The following GPC5 variants were observed in gnomAD, a reference collection of about 807,000 sequenced individuals.
GPC5 encodes the protein glypican 5.
GPC5 carries 47 observed loss-of-function variants against 53.9 expected under a neutral mutation model. The ratio of observed to expected loss-of-function variants is 0.87; its 90% CI spans 0.69 to 1.11. The LOEUF (loss-of-function observed/expected upper bound fraction) is 1.11. Among genes scored for constraint, GPC5 ranks in the 50% most tolerant of loss-of-function variants. The pLI is 0.00. For synonymous variants in GPC5, 286 were observed against 263.3 expected, an observed-to-expected ratio of 1.09 and a Z score of -0.84; for missense variants, 748 against 713.1, an observed-to-expected ratio of 1.05 and a Z score of -0.56.
At chr13:92,163,759 A>G (rs7988817) in intron 7 of GPC5, among the ~76,000 whole-genome samples, 5,835 of 152,208 alleles carry the variant, frequency 0.038, 246 homozygotes, top group African/African-American at 0.098. Flanking sequence ...AAGTTTGTTG[A>G]TCATAAAATG....
At chr13:91,951,812 G>T (rs185271503) in intron 6 of GPC5, among the ~76,000 whole-genome samples, 1 of 152,262 alleles carries the variant, frequency 6.6e-6, no homozygotes, top group Admixed American at 6.5e-5. Flanking sequence ...TCTAAAAAAT[G>T]TATGTTGCTC....
At chr13:92,399,791 C>A (rs530309819) in intron 7 of GPC5, among the ~76,000 whole-genome samples, 1 of 152,290 alleles carries the variant, frequency 6.6e-6, no homozygotes, top group Non-Finnish European at 1.5e-5. Context: ...TGTTTCCTCA[C>A]TTACTGTTAT....
chr13:91,482,251 G>C (rs1883344516), intron 2 of GPC5, among the ~76,000 whole-genome samples: 2 of 152,142 alleles, frequency 1.3e-5, no homozygotes, highest in South Asian at 4.1e-4. Flanking sequence ...TCACTCGTCT[G>C]TTTATGCGAG....
intron 2 of GPC5, among the ~76,000 whole-genome samples, chr13:91,524,888 T>G (rs1886012379): frequency 6.6e-6 from 1 of 152,210 alleles, no homozygotes; most frequent in African/African-American, 2.4e-5. Flanking sequence ...ACAATTGAAA[T>G]TACATGCAAG....
rs117226258 is a variant in GPC5, at chr13:92,425,664, T to C, written c.1561+280675T>C. ...TCTTTGGGCTTCCTTCTTTTGGTTATACCCATAATCCTAAGCAATATGCCT... is the reference window on the plus strand; with the variant it reads ...TCTTTGGGCTTCCTTCTTTTGGTTACACCCATAATCCTAAGCAATATGCCT... On this transcript the variant is annotated intron_variant, in intron 7 of 7. Coordinates refer to ENST00000377067, the MANE Select transcript of GPC5 (RefSeq NM_004466.6). 7.2e-3 allele frequency among the ~76,000 whole-genome samples: 1,100 copies of C among 152,238 alleles called. 2 individuals carry two copies. The highest frequency in any genetic ancestry group is 0.011 in the Non-Finnish European group (769 of 67,966).
intron 6 of GPC5, among the ~76,000 whole-genome samples, chr13:91,926,884 A>T (rs915963727): frequency 6.6e-6 from 1 of 152,232 alleles, no homozygotes; most frequent in South Asian, 2.1e-4. Flanking sequence ...CTTTCTCCAC[A>T]TTCATAAAAT....
chr13:92,199,649 A>G (rs1418418710), intron 7 of GPC5, among the ~76,000 whole-genome samples: 2 of 152,024 alleles, frequency 1.3e-5, no homozygotes, highest in Admixed American at 6.6e-5. Context: ...CAAATATTAA[A>G]GGCCCAATAT....
intron 7 of GPC5, among the ~76,000 whole-genome samples, chr13:92,421,346 CTG>C (rs1876550345): frequency 6.6e-6 from 1 of 152,146 alleles, no homozygotes; most frequent in Non-Finnish European, 1.5e-5. Flanking sequence ...AAGGGAGACA[CTG>C]TGTTAATCTA....
intron 7 of GPC5, among the ~76,000 whole-genome samples, chr13:92,731,939 G>T (rs1888817103): frequency 6.6e-6 from 1 of 151,452 alleles, no homozygotes; most frequent in Non-Finnish European, 1.5e-5. Flanking sequence ...GATGAAAGAG[G>T]TGCGGGGTGA....
chr13:92,827,209 C>T (rs958185643), intron 7 of GPC5, among the ~76,000 whole-genome samples: 8 of 152,062 alleles, frequency 5.3e-5, no homozygotes. Context: ...AAGAGAAGGA[C>T]AGATAACGTT....
At position 92,641,699 on chromosome 13, in the gene GPC5, ATTGTAGTTT is replaced by A. The variant is rs886496662; in HGVS notation, c.1562-224574_1562-224566del. 3.7e-4 allele frequency among the ~76,000 whole-genome samples: 57 copies of A among 152,220 alleles called. No homozygotes were observed. The South Asian group carries it at 3.9e-3, about 11-fold the overall frequency. ...TTTCTGTTCCTACAGTAGCTTTTAT[ATTGTAGTTT>A]TTGTAGTTATGTTTTTTATTCTGTT... is the stretch of plus-strand genomic sequence containing the variant. On this transcript the variant is annotated intron_variant, in intron 7 of 7. Transcript: ENST00000377067.
intron 7 of GPC5, among the ~76,000 whole-genome samples, chr13:92,476,942 C>A (rs1466774764): frequency 6.8e-6 from 1 of 147,180 alleles, no homozygotes; most frequent in Non-Finnish European, 1.5e-5. Context: ...ATACCTAATG[C>A]TAGATGACGA....
chr13:91,535,878 G>T (rs973805060), intron 2 of GPC5, among the ~76,000 whole-genome samples: 3 of 152,032 alleles, frequency 2.0e-5, no homozygotes, highest in Non-Finnish European at 4.4e-5. Flanking sequence ...AACTGGTGAG[G>T]ACTAATATGT....
chr13:92,801,825 A>C (rs1379495771), intron 7 of GPC5, among the ~76,000 whole-genome samples: 1 of 151,882 alleles, frequency 6.6e-6, no homozygotes, highest in African/African-American at 2.4e-5. Flanking sequence ...TTGAATAAGG[A>C]TATAAAGGAA....
At chr13:91,604,031 C>A (rs955152997) in intron 2 of GPC5, among the ~76,000 whole-genome samples, 2 of 149,546 alleles carry the variant, frequency 1.3e-5, no homozygotes, top group African/African-American at 5.0e-5. Flanking sequence ...ATACATGTGC[C>A]ATGCTGGTGC....
chr13:92,310,838 T>C (rs938735594), intron 7 of GPC5, among the ~76,000 whole-genome samples: 4 of 152,142 alleles, frequency 2.6e-5, no homozygotes, highest in African/African-American at 7.2e-5. Context: ...AGGGTAAAAA[T>C]ATTGAATGGC....
rs187342683 is a variant in GPC5, at chr13:91,681,410, A to G, written c.326-11777A>G. On this transcript the variant is annotated intron_variant, in intron 2 of 7. Transcript: ENST00000377067. ...TAGGAAGAGGTTGGCAGAAATCTCA[A>G]TACCATTTCAGTGACAACTTGACCC... Among the ~76,000 whole-genome samples the G allele has an allele frequency of 1.9e-3, 294 of 152,338 alleles. 1 individual carries two copies. Among genetic ancestry groups the G allele is most frequent in the African/African-American group, 6.7e-3 (280 of 41,576 alleles).
At chr13:91,526,779 C>CAT (rs1229165914) in intron 2 of GPC5, among the ~76,000 whole-genome samples, 3 of 152,298 alleles carry the variant, frequency 2.0e-5, no homozygotes, top group South Asian at 4.1e-4. Context: ...CACAGTTCCA[C>CAT]ATGTCTGGGG....
intron 6 of GPC5, among the ~76,000 whole-genome samples, chr13:92,008,208 G>T (rs9583988): frequency 0.03 from 4,600 of 151,830 alleles, 163 homozygotes; most frequent in African/African-American, 0.088. Context: ...GACTACAGGC[G>T]CCCGCTACCA....
Sources: allele counts gnomAD v4.1 joint callset (sites outside exome capture counted in the v4.1 genomes callset), GRCh38; gene constraint gnomAD v4.1.1; transcripts MANE v1.5; gene names NCBI Gene and HGNC (gene_info 2026-07-23, HGNC 2026-07-21).